The following OLFML2B variants were observed in gnomAD, a reference collection of about 807,000 sequenced individuals.
The protein encoded by OLFML2B is olfactomedin like 2B, also known as olfactomedin-like protein 2B.
In OLFML2B, 57 loss-of-function variants were observed where a neutral mutation model predicts 74.9. The observed-to-expected ratio is 0.76, with a 90% confidence interval of 0.61 to 0.95. The LOEUF is 0.95. Ranked by LOEUF, OLFML2B falls within the 40% of genes least tolerant of loss-of-function variation. OLFML2B has a pLI of 0.00. For missense variants in OLFML2B, 986 were observed against 970.6 expected (o/e 1.02, Z -0.21); for synonymous variants, 388 against 405.8 (o/e 0.96, Z 0.53).
At chr1:161,996,226 C>T (rs983950973) in intron 6 of OLFML2B, among the ~76,000 whole-genome samples, 1 of 152,122 alleles carries the variant, frequency 6.6e-6, no homozygotes, top group Admixed American at 6.5e-5. Context: ...TAGCATGGAA[C>T]AGCAAATAAA....
In OLFML2B at chr1:162,023,479, CG is replaced by C. The variant is rs570803119; in HGVS notation, c.-50del. 0.021 allele frequency: 28,365 copies of C among 1,382,540 alleles called. 303 individuals carry two copies. The highest frequency in any genetic ancestry group is 0.029 in the Middle Eastern group (148 of 5,124). The allele number at this position is 1,382,540 out of a possible 1,614,324, so 85.6% of individuals were successfully genotyped here. On this transcript the variant is annotated 5_prime_UTR_variant, in exon 1 of 8. Transcript: ENST00000294794. ...CAGCCCCTTCAGAGAATGGCTGGGG[CG>C]GGGGGTCTCGGCAAGGACTTCTGCG...
At position 162,020,109 on chromosome 1, in the gene OLFML2B, G is replaced by A. The variant is rs778659146; in HGVS notation, c.248C>T (p.Pro83Leu). ...SDCQCKCVVR[P>L]LGRDACQRIN... is the part of the protein sequence containing the mutation. ...CCTCTGGCAGGCATCCCGGCCCAGG[G>A]GTCTCACCACACACTTGCACTGACA... The change falls in exon 2 of 8, where the codon CCC becomes CTC. Residue 83 changes from proline to leucine, a missense_variant. Pro to Leu is a moderately conservative substitution (Grantham distance 98). Coordinates refer to ENST00000294794, the MANE Select transcript of OLFML2B (RefSeq NM_015441.3). The A allele has an allele frequency of 6.2e-7, 1 of 1,614,040 alleles. No homozygotes were observed.
At chr1:162,019,823 T>C in intron 2 of OLFML2B, 96 bp downstream of exon 2, 1 of 1,471,482 alleles carries the variant, frequency 6.8e-7, no homozygotes, top group Non-Finnish European at 9.2e-7. Context: ...CCTGACCTTC[T>C]TCAAAGGGCT....
intron 1 of OLFML2B, among the ~76,000 whole-genome samples, chr1:162,021,321 T>G (rs1434138251): frequency 1.3e-5 from 2 of 152,232 alleles, no homozygotes; most frequent in South Asian, 2.1e-4. Flanking sequence ...TGCTAAACAT[T>G]TCCTTCTGGG....
intron 6 of OLFML2B, among the ~76,000 whole-genome samples, chr1:161,986,451 T>C (rs993774137): frequency 6.6e-6 from 1 of 152,172 alleles, no homozygotes; most frequent in African/African-American, 2.4e-5. Context: ...GCATGAACAC[T>C]GTTTTGCAGG....
chr1:162,006,430 T>C lies in OLFML2B; in HGVS notation c.590A>G (p.Glu197Gly). 6.2e-7 allele frequency: 1 copy of C among 1,606,346 alleles called. No individual in the cohort carries two copies. Among genetic ancestry groups the C allele is most frequent in the Non-Finnish European group, 8.5e-7 (1 of 1,178,104 alleles). ...NLTKENEQIK[E>G]DMEEIRTEMN... is the part of the protein sequence containing the mutation. Reference sequence around the variant, plus strand: ...CTCGGTTCGAATTTCTTCCATGTCCTCTTTGATTTGTTCATTTTCCTTGGT... The same window carrying C: ...CTCGGTTCGAATTTCTTCCATGTCCCCTTTGATTTGTTCATTTTCCTTGGT... The change falls in exon 4 of 8, where the codon GAG becomes GGG. Residue 197 changes from glutamate (E) to glycine (G), a missense_variant. Glu to Gly is a moderately conservative substitution (Grantham distance 98). Coordinates refer to ENST00000294794, the MANE Select transcript of OLFML2B (RefSeq NM_015441.3).
At position 162,020,155 on chromosome 1, in the gene OLFML2B, C is replaced by A; in HGVS notation, c.202G>T (p.Ala68Ser). ...TGACAGTCCGAGCCCTCAGACATAG[C>A]CTTGACCTTGTCATAGTCCCCCAGC... ...QLLGDYDKVK[A>S]MSEGSDCQCK... is the part of the protein sequence containing the mutation. The change falls in exon 2 of 8, where the codon GCT becomes TCT. Residue 68 changes from alanine to serine, a missense_variant. Ala to Ser is a moderately conservative substitution (Grantham distance 99). Transcript: ENST00000294794. 1 of 1,614,184 alleles carries A rather than the reference C, an allele frequency of 6.2e-7. No individual in the cohort carries two copies. The highest frequency in any genetic ancestry group is 1.3e-5 in the African/African-American group (1 of 75,050).
intron 1 of OLFML2B, among the ~76,000 whole-genome samples, chr1:162,020,572 A>T (rs1381551010): frequency 1.3e-5 from 2 of 150,298 alleles, no homozygotes; most frequent in African/African-American, 4.9e-5. Flanking sequence ...TGTTGCCCAG[A>T]CTGGAGTGCA....
intron 6 of OLFML2B, among the ~76,000 whole-genome samples, chr1:161,996,905 C>A (rs1359847544): frequency 2.0e-5 from 3 of 152,224 alleles, no homozygotes; most frequent in Non-Finnish European, 4.4e-5. Flanking sequence ...CGCCTGTAAT[C>A]CCAACACTTT....
intron 3 of OLFML2B, among the ~76,000 whole-genome samples, chr1:162,011,524 C>G (rs754477071): frequency 8.5e-5 from 13 of 152,212 alleles, no homozygotes; most frequent in Admixed American, 2.6e-4. Context: ...AGCCGGTGCT[C>G]CTGATGGCAG....
chr1:161,983,559 A>T lies in OLFML2B; in HGVS notation c.*116T>A. 8.8e-7 allele frequency: 1 copy of T among 1,139,290 alleles called. No homozygotes were observed. Among genetic ancestry groups the T allele is most frequent in the Non-Finnish European group, 1.2e-6 (1 of 816,504 alleles). The allele number at this position is 1,139,290 out of a possible 1,614,324, so 70.6% of individuals were successfully genotyped here. A position where few individuals can be genotyped will look rare whatever the true frequency, so the allele number is the denominator to read the frequency against. On this transcript the variant is annotated 3_prime_UTR_variant, in exon 8 of 8. Coordinates refer to ENST00000294794, the MANE Select transcript of OLFML2B (RefSeq NM_015441.3). ...TGTCATTTTACATTTGCAATATTAT[A>T]CAAAATAATATATATTTTTAAACAA...
At position 162,023,523 on chromosome 1, in the gene OLFML2B, G is replaced by C. The variant is rs1392531726; in HGVS notation, c.-93C>G. 7.8e-7 allele frequency: 1 copy of C among 1,284,032 alleles called. No individual in the cohort carries two copies. Among genetic ancestry groups the C allele is most frequent in the African/African-American group, 1.6e-5 (1 of 64,208 alleles). The allele number at this position is 1,284,032 out of a possible 1,614,324, so 79.5% of individuals were successfully genotyped here. ...CTTCTGCGAGAGGGTGTCCTCGCTA[G>C]AGCCCGAAAGTGGCTGCTGAGAGCA... On this transcript the variant is annotated 5_prime_UTR_variant, in exon 1 of 8. Coordinates refer to ENST00000294794, the MANE Select transcript of OLFML2B (RefSeq NM_015441.3).
chr1:161,984,885 T>C lies in OLFML2B; in HGVS notation c.1570A>G (p.Lys524Glu), dbSNP rs1689544370. 1 of 1,612,586 alleles carries C rather than the reference T, an allele frequency of 6.2e-7. No individual in the cohort carries two copies. The highest frequency in any genetic ancestry group is 1.3e-5 in the African/African-American group (1 of 74,328). Residue 524 changes from lysine (K) to glutamate (E), a missense_variant, in exon 7 of 8, where the codon AAG becomes GAG. By Grantham distance (56) the Lys-to-Glu change is moderately conservative. Transcript: ENST00000294794. ...EGAWMKDPLA[K>E]DERIYVTNYY... ...TTGGTTACGTAAATCCGCTCATCCT[T>C]GGCCAGGGGGTCCTTCATCCAGGCC...
At position 161,997,682 on chromosome 1, in the gene OLFML2B, C is replaced by T. The variant is rs1571292435; in HGVS notation, c.1474+143G>A. 6 of 857,048 alleles carry T rather than the reference C, an allele frequency of 7.0e-6. No homozygotes were observed. In the East Asian group the frequency reaches 7.4e-5, roughly 11 times the overall value. 53.1% of individuals were successfully genotyped at this position (857,048 alleles called of 1,614,324 possible). The stretch of plus-strand genomic sequence containing the variant: ...ATAAACCCTAGATGTTAAAACTAAT[C>T]GTTGGTCAAAGGCTTAACTCCACTT... On this transcript the variant is annotated intron_variant, in intron 6 of 7. Coordinates refer to ENST00000294794, the MANE Select transcript of OLFML2B (RefSeq NM_015441.3).
intron 4 of OLFML2B, among the ~76,000 whole-genome samples, chr1:162,004,071 T>C (rs959884959): frequency 7.9e-5 from 12 of 152,190 alleles, no homozygotes; most frequent in Non-Finnish European, 1.6e-4. Flanking sequence ...TTCCCGAACA[T>C]ACCACATAAT....
chr1:162,016,268 A>C (rs752530501), intron 3 of OLFML2B, among the ~76,000 whole-genome samples: 93 of 152,328 alleles, frequency 6.1e-4, no homozygotes, highest in Non-Finnish European at 4.3e-4. Context: ...AATCATATGG[A>C]GTAGGCAGGG....
rs1446424098 is a variant in OLFML2B, at chr1:162,023,380, C to T, written c.51G>A (p.Pro17=). The T allele has an allele frequency of 2.5e-6, 4 of 1,603,044 alleles. No individual in the cohort carries two copies. The highest frequency in any genetic ancestry group is 2.3e-5 in the East Asian group (1 of 44,058). The part of the protein sequence containing the change: ...LVLYFALIVV[P]AWVSSIVLTG... ...TGAGGACAATGCTGGACACCCAGGC[C>T]GGAACCACAATCAGAGCGAAGTAGA... The change falls in exon 1 of 8, where the codon CCG becomes CCA. Residue 17 remains proline (P), a synonymous_variant. Transcript: ENST00000294794.
In OLFML2B at chr1:161,996,289, G is replaced by A. The variant is rs535437828; in HGVS notation, c.1474+1536C>T. 2.6e-5 allele frequency among the ~76,000 whole-genome samples: 4 copies of A among 152,298 alleles called. No individual in the cohort carries two copies. The South Asian group carries it at 6.2e-4, about 24-fold the overall frequency. ...AGAGAGGCACATACACACCATGAAT[G>A]GAAGAAGAGGAGCAGAATCATGACC... On this transcript the variant is annotated intron_variant, in intron 6 of 7. Coordinates refer to ENST00000294794, the MANE Select transcript of OLFML2B (RefSeq NM_015441.3).
chr1:161,984,804 C>A lies in OLFML2B; in HGVS notation c.1651G>T (p.Gly551Cys). 6.2e-7 allele frequency: 1 copy of A among 1,613,304 alleles called. No homozygotes were observed. ...EFRNLENFKQ[G>C]RWSNSYKLPY... is the part of the protein sequence containing the mutation. ...TCTGGGTTGGATCTTTATCATGTAC[C>A]TTGTTTGAAGTTCTCCAGGTTCCGG... is the stretch of plus-strand genomic sequence containing the variant. The change falls in exon 7 of 8, where the codon GGT becomes TGT. Residue 551 changes from glycine (G) to cysteine (C), a missense_variant and splice_region_variant. Physicochemically the swap from Gly to Cys is radical, Grantham distance 159. Transcript: ENST00000294794.
Sources: allele counts gnomAD v4.1 joint callset (sites outside exome capture counted in the v4.1 genomes callset), GRCh38; gene constraint gnomAD v4.1.1; transcripts MANE v1.5; gene names NCBI Gene and HGNC (gene_info 2026-07-23, HGNC 2026-07-21).